The following SCARB1 variants were observed in gnomAD, a reference collection of about 807,000 sequenced individuals.
SCARB1 encodes CD36 and LIMPII analogous 1.
In SCARB1, 30 loss-of-function variants were observed where a neutral mutation model predicts 57.2. The observed-to-expected ratio is 0.52, with a 90% confidence interval of 0.39 to 0.71. The LOEUF is 0.71. SCARB1 is among the 30% of genes least tolerant of loss of function. The pLI, the probability that SCARB1 is intolerant of heterozygous loss-of-function variation, is 0.00. For synonymous variants in SCARB1, 249 were observed against 268.3 expected (o/e 0.93, Z 0.70); for missense variants, 543 against 671.2 (o/e 0.81, Z 2.11).
chr12:124,828,886 G>A (rs987965804), intron 1 of SCARB1, among the ~76,000 whole-genome samples: 14 of 152,268 alleles, frequency 9.2e-5, no homozygotes, highest in East Asian at 1.9e-4. Context: ...TTGCCCAGAC[G>A]AAGCCTAGTT....
In SCARB1 at chr12:124,807,723, C is replaced by G. The variant is rs760962417; in HGVS notation, c.1009+38G>C. 3.1e-6 allele frequency: 5 copies of G among 1,610,832 alleles called. No individual in the cohort carries two copies. In the South Asian group the frequency reaches 5.5e-5, roughly 18 times the overall value. On this transcript the variant is annotated intron_variant, in intron 7 of 12. Coordinates refer to ENST00000261693, the MANE Select transcript of SCARB1 (RefSeq NM_005505.5). The surrounding 1 kb of genome is among the most constrained non-coding windows in gnomAD (Gnocchi z 5.3). Reference sequence around the variant, plus strand: ...AAACCCTCAGCTGGCCCCACCCTCACACCCTCCCGCCATCCCAGCACAGGG... The same window carrying G: ...AAACCCTCAGCTGGCCCCACCCTCAGACCCTCCCGCCATCCCAGCACAGGG...
At chr12:124,797,438 T>A (rs1159363976) in intron 8 of SCARB1, among the ~76,000 whole-genome samples, 2 of 152,108 alleles carry the variant, frequency 1.3e-5, no homozygotes, top group African/African-American at 4.8e-5. Context: ...GCTGATCTCC[T>A]GATCCCCCTC....
chr12:124,863,744 G>A lies in SCARB1; in HGVS notation c.-24C>T, dbSNP rs367704555. Reference sequence around the variant, plus strand: ...ATGTCTGCGCGCCTGGGGCCCACCCGCGGCTCGCAGGGCTCCGCGCCTGGC... The same window carrying A: ...ATGTCTGCGCGCCTGGGGCCCACCCACGGCTCGCAGGGCTCCGCGCCTGGC... On this transcript the variant is annotated 5_prime_UTR_variant, in exon 1 of 13. Transcript: ENST00000261693. The A allele has an allele frequency of 1.0e-4, 145 of 1,437,768 alleles. No homozygotes were observed. In the African/African-American group the frequency reaches 1.8e-3, roughly 18 times the overall value. The allele number at this position is 1,437,768 out of a possible 1,614,324, so 89.1% of individuals were successfully genotyped here. A position where few individuals can be genotyped will look rare whatever the true frequency, so the allele number is the denominator to read the frequency against.
chr12:124,808,646 C>T (rs1247108907), intron 6 of SCARB1, among the ~76,000 whole-genome samples: 1 of 152,194 alleles, frequency 6.6e-6, no homozygotes. Flanking sequence ...CCCATCCACC[C>T]TCCATCCATT....
At chr12:124,849,854 G>A (rs1952314749) in intron 1 of SCARB1, among the ~76,000 whole-genome samples, 1 of 150,876 alleles carries the variant, frequency 6.6e-6, no homozygotes, top group Non-Finnish European at 1.5e-5. Context: ...CTTGAGGCCA[G>A]GAGTTCAAGA....
At chr12:124,826,794 G>A (rs1220745546) in intron 1 of SCARB1, among the ~76,000 whole-genome samples, 1 of 152,004 alleles carries the variant, frequency 6.6e-6, no homozygotes, top group Non-Finnish European at 1.5e-5. Context: ...AAAATCTTGA[G>A]TGAAGAAAAG....
intron 1 of SCARB1, among the ~76,000 whole-genome samples, chr12:124,846,714 A>G (rs1254669168): frequency 1.5e-5 from 2 of 134,368 alleles, no homozygotes; most frequent in Non-Finnish European, 1.6e-5. Context: ...CTGGCCACAC[A>G]GCAAGACTCC....
intron 9 of SCARB1, among the ~76,000 whole-genome samples, chr12:124,794,108 C>T (rs977162261): frequency 1.3e-5 from 2 of 152,134 alleles, no homozygotes; most frequent in Non-Finnish European, 2.9e-5. Flanking sequence ...TCCGCAGAGA[C>T]AGGAAGTGGA....
chr12:124,790,761 C>T (rs186641406), intron 9 of SCARB1, among the ~76,000 whole-genome samples: 2 of 152,324 alleles, frequency 1.3e-5, no homozygotes, highest in Admixed American at 1.3e-4. Flanking sequence ...GTTAATAGTG[C>T]ACACTCAAGC....
Position 124,838,775 on chromosome 12 carries a change from CTTT to C in SCARB1, c.127-21071_127-21069del, listed in dbSNP as rs1174317110. Among the ~76,000 whole-genome samples, 651 of 117,298 alleles carry C rather than the reference CTTT, an allele frequency of 5.5e-3. 8 individuals are homozygous for C. The highest frequency in any genetic ancestry group is 0.018 in the African/African-American group (601 of 32,848). The allele number at this position is 117,298 out of a possible 152,430, so 77.0% of individuals were successfully genotyped here. A position where few individuals can be genotyped will look rare whatever the true frequency, so the allele number is the denominator to read the frequency against. On this transcript the variant is annotated intron_variant, in intron 1 of 12. Transcript: ENST00000261693. ...TAAACATAAAATTTACCAACTTAGC[CTTT>C]TTTTTTTTTTTTTTTGAGATGGAGT...
intron 9 of SCARB1, among the ~76,000 whole-genome samples, chr12:124,794,797 G>A (rs948788206): frequency 6.6e-6 from 1 of 152,150 alleles, no homozygotes; most frequent in African/African-American, 2.4e-5. Context: ...GGGCGTGGTG[G>A]CACATGCCTG....
chr12:124,799,987 T>C, intron 8 of SCARB1, 137 bp downstream of exon 8: 1 of 731,824 alleles, frequency 1.4e-6, no homozygotes, highest in South Asian at 1.5e-5. Flanking sequence ...TAAGGAACTT[T>C]GGTGGCTCGA....
At chr12:124,809,170 G>A (rs535093286) in intron 6 of SCARB1, among the ~76,000 whole-genome samples, 1 of 152,200 alleles carries the variant, frequency 6.6e-6, no homozygotes, top group South Asian at 2.1e-4. Flanking sequence ...CGATGGTTCT[G>A]GAAAAAGACA....
At chr12:124,816,099 C>T (rs762128167) in intron 2 of SCARB1, among the ~76,000 whole-genome samples, 28 of 152,186 alleles carry the variant, frequency 1.8e-4, no homozygotes, top group Non-Finnish European at 2.4e-4. Flanking sequence ...TCCCACCATG[C>T]GGGTCCAGTG....
Position 124,781,626 on chromosome 12 carries a change from C to T in SCARB1, c.*1057G>A, listed in dbSNP as rs116354593. Among the ~76,000 whole-genome samples the T allele has an allele frequency of 4.3e-3, 649 of 152,306 alleles. 3 individuals are homozygous for T. Among genetic ancestry groups the T allele is most frequent in the African/African-American group, 0.015 (624 of 41,552 alleles). On this transcript the variant is annotated intron_variant, in intron 12 of 12. Transcript: ENST00000261693. ...ATAGGGCGGCCACATAAAATCAGAA[C>T]GCCTAGTTAAATGTGAATTTCAGGT...
At chr12:124,836,588 T>TTCGA (rs1951657246) in intron 1 of SCARB1, among the ~76,000 whole-genome samples, 1 of 151,678 alleles carries the variant, frequency 6.6e-6, no homozygotes, top group African/African-American at 2.4e-5. Flanking sequence ...AGCCCAGGAG[T>TTCGA]TCGAGACCAG....
rs900866906 is a variant in SCARB1, at chr12:124,800,696, G to A, written c.1010-454C>T. Among the ~76,000 whole-genome samples, 6 of 152,178 alleles carry A rather than the reference G, an allele frequency of 3.9e-5. No individual in the cohort carries two copies. The highest frequency in any genetic ancestry group is 1.2e-4 in the African/African-American group (5 of 41,436). Reference sequence around the variant, plus strand: ...AGCCAAGCAGCCCACACTGTCCCCTGCAGGACACGCAGCAATGATCGGAGC... The same window carrying A: ...AGCCAAGCAGCCCACACTGTCCCCTACAGGACACGCAGCAATGATCGGAGC... On this transcript the variant is annotated intron_variant, in intron 7 of 12. Transcript: ENST00000261693. The surrounding 1 kb of genome is among the most constrained non-coding windows in gnomAD (Gnocchi z 4.8).
In SCARB1 at chr12:124,778,134, C is replaced by T. The variant is rs1315006639; in HGVS notation, c.*453G>A. 2.0e-5 allele frequency: 5 copies of T among 247,292 alleles called. No individual in the cohort carries two copies. Among genetic ancestry groups the T allele is most frequent in the Non-Finnish European group, 2.3e-5 (3 of 130,648 alleles). The allele number at this position is 247,292 out of a possible 1,614,324, so 15.3% of individuals were successfully genotyped here. On this transcript the variant is annotated 3_prime_UTR_variant, in exon 13 of 13. Coordinates refer to ENST00000261693, the MANE Select transcript of SCARB1 (RefSeq NM_005505.5). ...CCCCACTGAATTTGGCACAGGAAGG[C>T]GGCACTCCCAGCCTGGCCCGTCCTG...
chr12:124,850,805 A>T (rs567847970), intron 1 of SCARB1, among the ~76,000 whole-genome samples: 2 of 152,384 alleles, frequency 1.3e-5, no homozygotes, highest in East Asian at 3.9e-4. Context: ...ACAGCCAGAG[A>T]CAGTGAAAGG....
Sources: gnomAD v4.1 joint callset for allele counts (sites outside exome capture counted in the v4.1 genomes callset) on GRCh38, gnomAD v4.1.1 for gene constraint, Gnocchi (gnomAD v3.1) non-coding constraint, MANE v1.5 for transcripts, NCBI Gene and HGNC (gene_info 2026-07-23, HGNC 2026-07-21) for gene names.